Variants in SETBP1 observed in about 807,000 individuals in gnomAD.
SETBP1 encodes the protein SET-binding protein.
A neutral mutation model predicts 101.0 loss-of-function variants in SETBP1; 9 were observed. The ratio of observed to expected loss-of-function variants is 0.09; its 90% CI spans 0.05 to 0.16. The LOEUF (loss-of-function observed/expected upper bound fraction) is 0.16, where lower values mean the gene tolerates loss of function less well. Among genes scored for constraint, SETBP1 ranks in the 10% least tolerant of loss-of-function variants. The pLI is 1.00. For missense variants in SETBP1, 1,858 were observed against 2,033.8 expected (o/e 0.91, Z 1.66); for synonymous variants, 818 against 788.5 (o/e 1.04, Z -0.63).
rs559879001 is a variant in SETBP1, at chr18:44,959,318, A to G, written c.4000+5978A>G. 7.9e-5 allele frequency among the ~76,000 whole-genome samples: 12 copies of G among 152,344 alleles called. No individual in the cohort carries two copies. In the South Asian group the frequency reaches 2.3e-3, roughly 29 times the overall value. On this transcript the variant is annotated intron_variant, in intron 4 of 5. Coordinates refer to ENST00000649279, the MANE Select transcript of SETBP1 (RefSeq NM_015559.3). ...CAAGGCACCTTTGGAAGGAAACTCC[A>G]GAAAACCATCTCCTTACTCTATAAA...
intron 3 of SETBP1, among the ~76,000 whole-genome samples, chr18:44,915,473 T>A (rs1472617677): frequency 1.3e-5 from 2 of 152,182 alleles, no homozygotes; most frequent in Non-Finnish European, 2.9e-5. Context: ...AGAGCAAACA[T>A]GATCTCAGCC....
chr18:44,843,765 T>C (rs2072669052), intron 2 of SETBP1, among the ~76,000 whole-genome samples: 1 of 152,148 alleles, frequency 6.6e-6, no homozygotes, highest in Admixed American at 6.5e-5. Context: ...GGTTTATCCA[T>C]CAGTTTCTCA....
chr18:44,939,079 T>G (rs993943388), intron 3 of SETBP1, among the ~76,000 whole-genome samples: 1 of 152,000 alleles, frequency 6.6e-6, no homozygotes, highest in Non-Finnish European at 1.5e-5. Context: ...TTAACATGAT[T>G]GAGGTTAAAT....
chr18:44,972,984 G>T (rs887050803), intron 4 of SETBP1, among the ~76,000 whole-genome samples: 3 of 152,142 alleles, frequency 2.0e-5, no homozygotes. Context: ...TCCAGTTTTT[G>T]CCTATTGAGT....
chr18:44,887,799 C>T (rs1175520236), intron 3 of SETBP1, among the ~76,000 whole-genome samples: 3 of 151,938 alleles, frequency 2.0e-5, no homozygotes, highest in Non-Finnish European at 4.4e-5. Context: ...TCCCGGATGC[C>T]CAGGGCTTAT....
At chr18:45,050,010 TC>T (rs1203942407) in intron 5 of SETBP1, among the ~76,000 whole-genome samples, 1 of 152,208 alleles carries the variant, frequency 6.6e-6, no homozygotes, top group Non-Finnish European at 1.5e-5. Flanking sequence ...ATTATTGCCT[TC>T]ACAACTTCTG....
chr18:45,009,125 C>T (rs758089788), intron 4 of SETBP1, among the ~76,000 whole-genome samples: 9 of 152,098 alleles, frequency 5.9e-5, no homozygotes, highest in East Asian at 1.9e-4. Flanking sequence ...CCCTCCCAGC[C>T]GCCAACTGTA....
chr18:44,796,486 G>A (rs1228037149), intron 2 of SETBP1, among the ~76,000 whole-genome samples: 1 of 152,196 alleles, frequency 6.6e-6, no homozygotes, highest in East Asian at 1.9e-4. Flanking sequence ...CCCTCCTAAA[G>A]AGATGCTTAT....
intron 3 of SETBP1, among the ~76,000 whole-genome samples, chr18:44,918,847 C>T (rs2070510169): frequency 6.6e-6 from 1 of 152,192 alleles, no homozygotes; most frequent in East Asian, 1.9e-4. Context: ...GGGATGGACC[C>T]CACAAATGAC....
intron 5 of SETBP1, among the ~76,000 whole-genome samples, chr18:45,062,132 C>A (rs1224659287): frequency 6.6e-6 from 1 of 152,194 alleles, no homozygotes; most frequent in Non-Finnish European, 1.5e-5. Context: ...TATCTTGAAG[C>A]CATTCACGCT....
intron 2 of SETBP1, among the ~76,000 whole-genome samples, chr18:44,755,521 C>G (rs1363925248): frequency 6.6e-6 from 1 of 151,686 alleles, no homozygotes; most frequent in Non-Finnish European, 1.5e-5. Context: ...ACATCAAACT[C>G]CAGGTTTGTA....
At chr18:44,876,324 G>A (rs1380312262) in intron 3 of SETBP1, among the ~76,000 whole-genome samples, 2 of 152,164 alleles carry the variant, frequency 1.3e-5, no homozygotes, top group Non-Finnish European at 2.9e-5. Context: ...TCCTGCAGCT[G>A]CTGCTTCCTT....
At chr18:44,757,841 A>G (rs1387232670) in intron 2 of SETBP1, among the ~76,000 whole-genome samples, 2 of 118,546 alleles carry the variant, frequency 1.7e-5, no homozygotes, top group Non-Finnish European at 3.8e-5. Context: ...TGTGTAGATC[A>G]AGTAACATTA....
chr18:44,832,312 C>G (rs2072389758), intron 2 of SETBP1, among the ~76,000 whole-genome samples: 1 of 152,192 alleles, frequency 6.6e-6, no homozygotes, highest in Non-Finnish European at 1.5e-5. Flanking sequence ...TTGTAGCATG[C>G]AGCATCCCAG....
In SETBP1 at chr18:44,926,257, G is replaced by C. The variant is rs185597429; in HGVS notation, c.541-23624G>C. Among the ~76,000 whole-genome samples the C allele has an allele frequency of 1.5e-3, 222 of 152,226 alleles. 2 individuals carry two copies. Among genetic ancestry groups the C allele is most frequent in the Non-Finnish European group, 2.5e-3 (172 of 68,020 alleles). The stretch of plus-strand genomic sequence containing the variant: ...CGAAGTGTCGATATTATGGAAGGTG[G>C]TTTCTGTTGACCTGCAGCTGCAACA... On this transcript the variant is annotated intron_variant, in intron 3 of 5. Transcript: ENST00000649279.
chr18:44,999,147 A>G (rs2072562570), intron 4 of SETBP1, among the ~76,000 whole-genome samples: 1 of 152,100 alleles, frequency 6.6e-6, no homozygotes, highest in African/African-American at 2.4e-5. Flanking sequence ...TACCACTATG[A>G]GACTCACGTA....
chr18:45,062,146 T>C (rs1011453740), intron 5 of SETBP1, among the ~76,000 whole-genome samples: 2 of 152,250 alleles, frequency 1.3e-5, no homozygotes, highest in African/African-American at 4.8e-5. Context: ...TCACGCTTTA[T>C]GGTGTCTGAA....
At chr18:44,936,964 G>A (rs1159246164) in intron 3 of SETBP1, among the ~76,000 whole-genome samples, 1 of 152,126 alleles carries the variant, frequency 6.6e-6, no homozygotes, top group Non-Finnish European at 1.5e-5. Context: ...GCCCAACTGA[G>A]TTTAAATGAG....
chr18:44,771,010 T>C (rs1244027656), intron 2 of SETBP1, among the ~76,000 whole-genome samples: 3 of 152,034 alleles, frequency 2.0e-5, no homozygotes, highest in African/African-American at 7.2e-5. Context: ...CTGCCCACTC[T>C]AGACTATTGA....
Sources: allele counts gnomAD v4.1 joint callset (sites outside exome capture counted in the v4.1 genomes callset), GRCh38; gene constraint gnomAD v4.1.1; transcripts MANE v1.5; gene names NCBI Gene and HGNC (gene_info 2026-07-23, HGNC 2026-07-21).